The following GRIA4 variants were observed in gnomAD, a reference collection of about 807,000 sequenced individuals.
GRIA4 encodes the protein glutamate receptor 4.
In GRIA4, 34 loss-of-function variants were observed where a neutral mutation model predicts 104.0. That is an observed-to-expected ratio of 0.33 (90% confidence interval 0.25 to 0.44). The LOEUF is 0.44. GRIA4 is among the 20% of genes least tolerant of loss of function. The pLI, the probability that GRIA4 is intolerant of heterozygous loss-of-function variation, is 1.00. For missense variants in GRIA4, 750 were observed against 1,096.5 expected (o/e 0.68, Z 4.46); for synonymous variants, 386 against 381.9 (o/e 1.01, Z -0.13).
chr11:105,807,408 G>C (rs920288662), intron 4 of GRIA4, among the ~76,000 whole-genome samples: 1 of 151,800 alleles, frequency 6.6e-6, no homozygotes, highest in Non-Finnish European at 1.5e-5. Context: ...TCAAGATATA[G>C]CAGTACAAGT....
chr11:105,636,738 T>C (rs889981544), intron 3 of GRIA4, among the ~76,000 whole-genome samples: 1 of 152,192 alleles, frequency 6.6e-6, no homozygotes, highest in Admixed American at 6.5e-5. Context: ...ATGAGCTGTT[T>C]GTAAAGGGAA....
intron 4 of GRIA4, among the ~76,000 whole-genome samples, chr11:105,784,176 A>C (rs1260722846): frequency 6.6e-6 from 1 of 152,208 alleles, no homozygotes; most frequent in Non-Finnish European, 1.5e-5. Context: ...GTCACTACCA[A>C]CACTGTGAAG....
At chr11:105,643,716 G>T (rs1951437784) in intron 3 of GRIA4, among the ~76,000 whole-genome samples, 1 of 151,932 alleles carries the variant, frequency 6.6e-6, no homozygotes, top group African/African-American at 2.4e-5. Context: ...TGGTGGTGTT[G>T]TTTTTTGTTT....
chr11:105,690,765 A>G (rs1953054254), intron 3 of GRIA4, among the ~76,000 whole-genome samples: 1 of 152,228 alleles, frequency 6.6e-6, no homozygotes, highest in South Asian at 2.1e-4. Context: ...CCAAGGATGG[A>G]GAATGATCTA....
intron 4 of GRIA4, among the ~76,000 whole-genome samples, chr11:105,802,377 T>A (rs988254889): frequency 1.5e-4 from 23 of 151,998 alleles, no homozygotes; most frequent in African/African-American, 5.6e-4. Flanking sequence ...AACTAAGTAC[T>A]CACAATATGA....
At chr11:105,779,032 G>A (rs1337049800) in intron 4 of GRIA4, among the ~76,000 whole-genome samples, 4 of 143,552 alleles carry the variant, frequency 2.8e-5, no homozygotes, top group Non-Finnish European at 6.0e-5. Context: ...GAGAACATGC[G>A]GTGTTTGGTT....
chr11:105,719,733 T>C (rs973515757), intron 3 of GRIA4, among the ~76,000 whole-genome samples: 1 of 151,166 alleles, frequency 6.6e-6, no homozygotes, highest in African/African-American at 2.4e-5. Context: ...TCTTTACCAG[T>C]GACTCAGATG....
rs149732839 is a variant in GRIA4 at position 105,713,281 on chromosome 11, G to A, written c.248-39700G>A. ...GCTTTTAATCCCAGCTACGTAGGAC[G>A]CTGAGGCAGGAAATGACTTGAACCT... On this transcript the variant is annotated intron_variant, in intron 3 of 16. Transcript: ENST00000282499. Among the ~76,000 whole-genome samples the A allele has an allele frequency of 2.7e-3, 415 of 151,988 alleles. 3 individuals carry two copies. The highest frequency in any genetic ancestry group is 9.4e-3 in the African/African-American group (391 of 41,450).
intron 3 of GRIA4, among the ~76,000 whole-genome samples, chr11:105,736,912 C>T (rs182808123): frequency 6.6e-6 from 1 of 152,060 alleles, no homozygotes; most frequent in South Asian, 2.1e-4. Context: ...TTCCTAAAAC[C>T]CAAAGCACTT....
Position 105,633,146 on chromosome 11 carries a change from C to T in GRIA4, c.247+20712C>T, listed in dbSNP as rs1044009865. ...GGTAACTTCTATAGGTGCTCACTAA[C>T]GACTCAATGAATTAGTGCCATTTGA... On this transcript the variant is annotated intron_variant, in intron 3 of 16. Transcript: ENST00000282499. 4.5e-4 allele frequency among the ~76,000 whole-genome samples: 69 copies of T among 152,078 alleles called. 1 individual carries two copies. Among genetic ancestry groups the T allele is most frequent in the South Asian group, 2.1e-4 (1 of 4,826 alleles).
chr11:105,905,593 T>C (rs756266764), intron 9 of GRIA4, among the ~76,000 whole-genome samples: 2 of 152,134 alleles, frequency 1.3e-5, no homozygotes, highest in African/African-American at 2.4e-5. Flanking sequence ...CAAAACAAAA[T>C]TGGCTCTGCA....
chr11:105,834,804 A>G (rs1944115892), intron 4 of GRIA4, among the ~76,000 whole-genome samples: 1 of 150,650 alleles, frequency 6.6e-6, no homozygotes, highest in African/African-American at 2.4e-5. Context: ...GGCCTAGAGC[A>G]TGCCTGCAGC....
intron 3 of GRIA4, among the ~76,000 whole-genome samples, chr11:105,687,690 A>AT (rs764776447): frequency 6.6e-6 from 1 of 152,226 alleles, no homozygotes; most frequent in Non-Finnish European, 1.5e-5. Context: ...TGGGTCAGGC[A>AT]TAGCCATATT....
At chr11:105,943,807 C>T (rs1948239317) in intron 14 of GRIA4, among the ~76,000 whole-genome samples, 1 of 151,982 alleles carries the variant, frequency 6.6e-6, no homozygotes, top group African/African-American at 2.4e-5. Flanking sequence ...TTTACTTTTT[C>T]CCCCCATTTT....
chr11:105,776,917 A>G (rs1292706284), intron 4 of GRIA4, among the ~76,000 whole-genome samples: 2 of 152,184 alleles, frequency 1.3e-5, no homozygotes, highest in East Asian at 3.8e-4. Context: ...ATTTTGGATA[A>G]ACCTATACCA....
chr11:105,910,160 C>T (rs915477571), intron 9 of GRIA4, among the ~76,000 whole-genome samples: 6 of 152,084 alleles, frequency 3.9e-5, no homozygotes, highest in African/African-American at 1.4e-4. Context: ...TGCTCATATT[C>T]CTTTTGGAAT....
chr11:105,867,812 G>C (rs1591371807), intron 5 of GRIA4, among the ~76,000 whole-genome samples: 1 of 152,264 alleles, frequency 6.6e-6, no homozygotes, highest in Admixed American at 6.5e-5. Flanking sequence ...CTCATAATTG[G>C]AGATAACAGC....
chr11:105,878,618 G>A (rs1431447026), intron 5 of GRIA4, among the ~76,000 whole-genome samples: 1 of 152,238 alleles, frequency 6.6e-6, no homozygotes, highest in Non-Finnish European at 1.5e-5. Context: ...CCTGTATGGT[G>A]AGGAAGAATC....
At chr11:105,971,108 TAAG>T (rs1858668028) in intron 14 of GRIA4, among the ~76,000 whole-genome samples, 1 of 152,162 alleles carries the variant, frequency 6.6e-6, no homozygotes, top group African/African-American at 2.4e-5. Context: ...TTTTTGTTGC[TAAG>T]AATTTGTGGA....
Sources: allele counts gnomAD v4.1 joint callset (sites outside exome capture counted in the v4.1 genomes callset), GRCh38; gene constraint gnomAD v4.1.1; transcripts MANE v1.5; gene names NCBI Gene and HGNC (gene_info 2026-07-23, HGNC 2026-07-21).